OPCML: variants seen among roughly 807,000 people sequenced by gnomAD.
The protein encoded by OPCML is opioid binding protein/cell adhesion molecule like, also known as opioid-binding protein/cell adhesion molecule.
Under a neutral mutation model 37.8 loss-of-function variants are expected in OPCML, and 13 were observed. The observed-to-expected ratio is 0.34, with a 90% CI of 0.22 to 0.55. The LOEUF is 0.55. Ranked by LOEUF, OPCML falls within the 20% of genes least tolerant of loss-of-function variation. The pLI, the probability that OPCML is intolerant of heterozygous loss-of-function variation, is 0.91. For synonymous variants in OPCML, 176 were observed against 168.8 expected, an observed-to-expected ratio of 1.04 and a Z score of -0.33; for missense variants, 341 against 435.6, an observed-to-expected ratio of 0.78 and a Z score of 1.93.
chr11:133,411,379 C>G (rs1945647593), intron 1 of OPCML, among the ~76,000 whole-genome samples: 1 of 152,192 alleles, frequency 6.6e-6, no homozygotes, highest in Non-Finnish European at 1.5e-5. Context: ...AAAACATGAT[C>G]AAGCATGCCA....
At chr11:133,300,859 ACAAGC>A (rs1423003129) in intron 1 of OPCML, 1 of 152,252 alleles carries the variant, frequency 6.6e-6, no homozygotes, top group African/African-American at 2.4e-5. Flanking sequence ...TGGTGCGGGC[ACAAGC>A]CAAGGCATGT....
intron 3 of OPCML, among the ~76,000 whole-genome samples, chr11:132,555,241 A>C (rs543089163): frequency 6.6e-6 from 1 of 152,252 alleles, no homozygotes; most frequent in Admixed American, 6.5e-5. Flanking sequence ...GGTGATTTAT[A>C]AAGAAAAAGA....
intron 1 of OPCML, among the ~76,000 whole-genome samples, chr11:133,093,221 AC>A (rs998862770): frequency 5.4e-5 from 8 of 149,114 alleles, no homozygotes; most frequent in African/African-American, 1.5e-4. Flanking sequence ...TCCCTTGCCA[AC>A]CCCCCCAACC....
At chr11:133,157,952 A>T (rs901624349) in intron 1 of OPCML, among the ~76,000 whole-genome samples, 2 of 152,204 alleles carry the variant, frequency 1.3e-5, no homozygotes, top group African/African-American at 2.4e-5. Flanking sequence ...CATCTCTGGG[A>T]TCTGTATTCA....
chr11:133,007,221 T>G, intron 1 of OPCML: 1 of 985,418 alleles, frequency 1.0e-6, no homozygotes, highest in Non-Finnish European at 1.2e-6. Context: ...TAGGCTTTGT[T>G]GCCCCACCCT....
chr11:132,847,902 T>A (rs146741637), intron 2 of OPCML, among the ~76,000 whole-genome samples: 36 of 152,326 alleles, frequency 2.4e-4, no homozygotes, highest in African/African-American at 8.4e-4. Flanking sequence ...AGCTTCCCAA[T>A]CAGTCAAGAG....
chr11:132,878,657 G>A (rs191716340), intron 2 of OPCML, among the ~76,000 whole-genome samples: 1 of 152,238 alleles, frequency 6.6e-6, no homozygotes, highest in East Asian at 1.9e-4. Context: ...AGATATATAT[G>A]TAGAGATACA....
chr11:133,421,357 A>C, intron 1 of OPCML: 4 of 985,446 alleles, frequency 4.1e-6, no homozygotes, highest in Non-Finnish European at 4.8e-6. Flanking sequence ...ACAAGCCATC[A>C]AGATGGAGAA....
intron 3 of OPCML, among the ~76,000 whole-genome samples, chr11:132,565,377 T>C (rs140588614): frequency 8.8e-4 from 134 of 152,294 alleles, no homozygotes; most frequent in African/African-American, 3.2e-3. Flanking sequence ...AACTTGAATG[T>C]TAATTTGGGA....
At chr11:133,373,303 C>T (rs1592243389) in intron 1 of OPCML, among the ~76,000 whole-genome samples, 1 of 151,574 alleles carries the variant, frequency 6.6e-6, no homozygotes, top group African/African-American at 2.4e-5. Flanking sequence ...GGGCTCACAC[C>T]TGTAATAGCA....
intron 2 of OPCML, among the ~76,000 whole-genome samples, chr11:132,855,277 C>T (rs544231046): frequency 1.7e-4 from 26 of 152,248 alleles, no homozygotes; most frequent in Admixed American, 3.3e-4. Context: ...TGCGCAAGGG[C>T]CATTTTCCAT....
intron 2 of OPCML, among the ~76,000 whole-genome samples, chr11:132,665,518 G>T (rs1942180534): frequency 1.3e-5 from 2 of 152,344 alleles, no homozygotes; most frequent in South Asian, 4.1e-4. Context: ...GCTCCACAAA[G>T]AGGCAGAAAT....
chr11:133,266,398 G>A (rs1327803783), intron 1 of OPCML, among the ~76,000 whole-genome samples: 1 of 152,026 alleles, frequency 6.6e-6, no homozygotes, highest in Non-Finnish European at 1.5e-5. Flanking sequence ...ATCCTTTTGA[G>A]CTCCCCTTAG....
chr11:133,194,523 A>G (rs1565496499), intron 1 of OPCML, among the ~76,000 whole-genome samples: 1 of 151,910 alleles, frequency 6.6e-6, no homozygotes, highest in East Asian at 1.9e-4. Flanking sequence ...TCAGTTTTCT[A>G]CATTTATCAC....
At chr11:132,673,256 T>C (rs112249733) in intron 2 of OPCML, among the ~76,000 whole-genome samples, 2,974 of 152,192 alleles carry the variant, frequency 0.02, 85 homozygotes, top group African/African-American at 0.057. Flanking sequence ...TCAGAGGTGA[T>C]GTTCATGAGC....
At chr11:132,900,432 C>T (rs1403394155) in intron 2 of OPCML, among the ~76,000 whole-genome samples, 2 of 152,176 alleles carry the variant, frequency 1.3e-5, no homozygotes, top group South Asian at 4.1e-4. Context: ...TCTCAACTCT[C>T]GCCTTGCATC....
intron 2 of OPCML, among the ~76,000 whole-genome samples, chr11:132,693,426 T>C (rs1415291888): frequency 6.6e-6 from 1 of 152,192 alleles, no homozygotes; most frequent in Non-Finnish European, 1.5e-5. Context: ...CTAAGTGATT[T>C]CAAACAAATT....
intron 1 of OPCML, among the ~76,000 whole-genome samples, chr11:133,530,156 G>A (rs995437608): frequency 1.3e-5 from 2 of 152,118 alleles, no homozygotes; most frequent in African/African-American, 4.8e-5. Flanking sequence ...GTCAGGCAGG[G>A]GTGCAGGTTC....
chr11:132,679,162 C>T (rs141216644), intron 2 of OPCML, among the ~76,000 whole-genome samples: 142 of 152,154 alleles, frequency 9.3e-4, no homozygotes, highest in African/African-American at 2.9e-3. Flanking sequence ...GAATGCAAAA[C>T]GAGGCAGCTG....
Sources: gnomAD v4.1 joint callset for allele counts (sites outside exome capture counted in the v4.1 genomes callset) on GRCh38, gnomAD v4.1.1 for gene constraint, MANE v1.5 for transcripts, NCBI Gene and HGNC (gene_info 2026-07-23, HGNC 2026-07-21) for gene names.